NBAS: variants seen among roughly 807,000 people sequenced by gnomAD.
NBAS encodes the protein NAG/BC035112 fusion.
Under a neutral mutation model 302.5 loss-of-function variants are expected in NBAS, and 219 were observed. That is an observed-to-expected ratio of 0.72 (90% CI 0.65 to 0.81). The LOEUF (loss-of-function observed/expected upper bound fraction) is 0.81, where lower values mean the gene tolerates loss of function less well. Ranked by LOEUF, NBAS falls within the 30% of genes least tolerant of loss-of-function variation. The pLI is 0.00. For missense variants in NBAS, 2,932 were observed against 2,841.6 expected, an observed-to-expected ratio of 1.03 and a Z score of -0.72; for synonymous variants, 1,118 against 1,021.6, an observed-to-expected ratio of 1.09 and a Z score of -1.80.
the NBAS span, among the ~76,000 whole-genome samples, chr2:15,017,930 T>C: frequency 6.6e-6 from 1 of 152,006 alleles, no homozygotes; most frequent in Admixed American, 6.6e-5. Context: ...GAAAATGTGG[T>C]ATATATACAC....
chr2:15,201,736 C>T (rs951257399), intron 48 of NBAS, among the ~76,000 whole-genome samples: 3 of 152,042 alleles, frequency 2.0e-5, no homozygotes, highest in South Asian at 4.2e-4. Context: ...AGTAAGGGTG[C>T]TATTTTCTGC....
At chr2:15,520,300 G>C (rs1457896465) in intron 9 of NBAS, among the ~76,000 whole-genome samples, 1 of 152,158 alleles carries the variant, frequency 6.6e-6, no homozygotes, top group Non-Finnish European at 1.5e-5. Flanking sequence ...TACTCAGAAG[G>C]CTGAGGAGGG....
intron 48 of NBAS, among the ~76,000 whole-genome samples, chr2:15,193,963 A>G (rs1665488299): frequency 6.6e-6 from 1 of 152,064 alleles, no homozygotes; most frequent in Non-Finnish European, 1.5e-5. Context: ...TGCAAGCCTA[A>G]AGAACATGGT....
chr2:15,098,317 AT>A, the NBAS span, among the ~76,000 whole-genome samples: 2 of 730 alleles, frequency 2.7e-3, 1 homozygote, highest in Non-Finnish European at 5.9e-3. Flanking sequence ...TATATTGTAT[AT>A]CATATATGAT....
At chr2:15,222,663 A>G (rs1346564270) in intron 47 of NBAS, among the ~76,000 whole-genome samples, 1 of 152,214 alleles carries the variant, frequency 6.6e-6, no homozygotes, top group Non-Finnish European at 1.5e-5. Context: ...GAGCTGAATG[A>G]TATTAAAATT....
At chr2:15,266,338 C>G (rs1174263237) in intron 44 of NBAS, among the ~76,000 whole-genome samples, 1 of 152,180 alleles carries the variant, frequency 6.6e-6, no homozygotes, top group Middle Eastern at 3.2e-3. Flanking sequence ...CAATTAAAAA[C>G]TAAAAGAGGC....
rs1675122614 is a variant in NBAS, at chr2:15,383,162, T to C, written c.3360+53A>G. The C allele has an allele frequency of 3.5e-6, 5 of 1,429,978 alleles. No individual in the cohort carries two copies. In the South Asian group the frequency reaches 3.6e-5, roughly 10 times the overall value. 88.6% of individuals were successfully genotyped at this position (1,429,978 alleles called of 1,614,324 possible). A position where few individuals can be genotyped will look rare whatever the true frequency, so the allele number is the denominator to read the frequency against. ...CATCAATCTTGTATCCAATAAACCA[T>C]AACAATTAAAATTGTTAAATTAAAA... On this transcript the variant is annotated intron_variant, in intron 29 of 51. Transcript: ENST00000281513.
intron 21 of NBAS, among the ~76,000 whole-genome samples, chr2:15,440,216 C>T (rs915245706): frequency 1.5e-4 from 23 of 152,200 alleles, no homozygotes; most frequent in Non-Finnish European, 2.9e-4. Flanking sequence ...CAAGTGGGTC[C>T]CTGACCCCTG....
chr2:14,799,997 T>C, the NBAS span, among the ~76,000 whole-genome samples: 1 of 152,208 alleles, frequency 6.6e-6, no homozygotes, highest in Non-Finnish European at 1.5e-5. Flanking sequence ...GGTTTTTAAA[T>C]CCAATCTGAC....
chr2:15,388,680 G>A (rs1233405535), intron 28 of NBAS, among the ~76,000 whole-genome samples: 1 of 152,112 alleles, frequency 6.6e-6, no homozygotes, highest in Non-Finnish European at 1.5e-5. Context: ...AGACAGATAA[G>A]TACAAATGTA....
chr2:15,038,470 A>T, the NBAS span, among the ~76,000 whole-genome samples: 1 of 152,124 alleles, frequency 6.6e-6, no homozygotes, highest in Non-Finnish European at 1.5e-5. Context: ...AGAACCAAAC[A>T]TCTCACTTCG....
chr2:14,783,821 T>C, the NBAS span, among the ~76,000 whole-genome samples: 1 of 152,032 alleles, frequency 6.6e-6, no homozygotes, highest in Admixed American at 6.6e-5. Flanking sequence ...TTTATAGTCC[T>C]TTGGGTATAT....
chr2:15,023,576 CTTGCCAGCTATCAG>C, the NBAS span, among the ~76,000 whole-genome samples: 1 of 149,802 alleles, frequency 6.7e-6, no homozygotes, highest in South Asian at 2.1e-4. Context: ...TCCTCTCATC[CTTGCCAGCTATCAG>C]TTTTATGTTT....
chr2:15,337,937 CAGAAAT>C (rs1218074267), intron 35 of NBAS, among the ~76,000 whole-genome samples: 3 of 152,188 alleles, frequency 2.0e-5, no homozygotes, highest in Admixed American at 1.3e-4. Flanking sequence ...TGTATAACAG[CAGAAAT>C]AGATTAAACC....
intron 35 of NBAS, 63 bp downstream of exon 35, chr2:15,351,929 G>A (rs982513999): frequency 5.7e-6 from 7 of 1,225,612 alleles, no homozygotes; most frequent in Non-Finnish European, 8.4e-6. Flanking sequence ...CACAAGGTTA[G>A]GTAATCCCAC....
chr2:14,849,113 C>T, the NBAS span, among the ~76,000 whole-genome samples: 15 of 145,874 alleles, frequency 1.0e-4, 1 homozygote, highest in African/African-American at 2.8e-4. Context: ...AGGCTTCAGA[C>T]GATCAAATTA....
the NBAS span, among the ~76,000 whole-genome samples, chr2:14,867,074 T>C: frequency 6.6e-6 from 1 of 152,076 alleles, no homozygotes; most frequent in Admixed American, 6.6e-5. Flanking sequence ...GCAAACAGAA[T>C]AAACTGTAAG....
chr2:15,478,215 G>A lies in NBAS; in HGVS notation c.1147+11C>T, dbSNP rs1125534. On this transcript the variant is annotated intron_variant, in intron 13 of 51. Transcript: ENST00000281513. ...ATTAAGGTTTCAATTATCACATTTCGTAGAACTCACCTTTGATTTTTTTTC... is the reference window on the plus strand; with the variant it reads ...ATTAAGGTTTCAATTATCACATTTCATAGAACTCACCTTTGATTTTTTTTC... The A allele has an allele frequency of 0.65, 1,006,447 of 1,558,196 alleles. 330,897 individuals carry two copies. The highest frequency in any genetic ancestry group is 0.67 in the Non-Finnish European group (762,603 of 1,129,824).
the NBAS span, among the ~76,000 whole-genome samples, chr2:15,103,674 T>C: frequency 6.6e-6 from 1 of 152,174 alleles, no homozygotes; most frequent in African/African-American, 2.4e-5. Flanking sequence ...AATATTTCTA[T>C]ATCCCCATAG....
Sources: gnomAD v4.1 joint callset for allele counts (sites outside exome capture counted in the v4.1 genomes callset) on GRCh38, gnomAD v4.1.1 for gene constraint, MANE v1.5 for transcripts, NCBI Gene and HGNC (gene_info 2026-07-23, HGNC 2026-07-21) for gene names.